The following PPARGC1B variants were observed in gnomAD, a reference collection of about 807,000 sequenced individuals.
PPARGC1B encodes the protein peroxisome proliferator-activated receptor gamma coactivator 1-beta.
In PPARGC1B, 34 loss-of-function variants were observed where a neutral mutation model predicts 101.6. The ratio of observed to expected loss-of-function variants is 0.33; its 90% CI spans 0.25 to 0.45. The LOEUF (loss-of-function observed/expected upper bound fraction) is 0.45, where lower values mean the gene tolerates loss of function less well. Among genes scored for constraint, PPARGC1B ranks in the 20% least tolerant of loss-of-function variants. The probability of loss-of-function intolerance (pLI) is 1.00; values close to 1 mark genes in which losing one functional copy is unlikely to be tolerated. For missense variants in PPARGC1B, 1,234 were observed against 1,317.6 expected (o/e 0.94, Z 0.98); for synonymous variants, 548 against 539.3 (o/e 1.02, Z -0.22).
At chr5:149,817,397 T>C (rs1758098414) in intron 1 of PPARGC1B, among the ~76,000 whole-genome samples, 1 of 152,180 alleles carries the variant, frequency 6.6e-6, no homozygotes, top group African/African-American at 2.4e-5. Flanking sequence ...GAAGGATTGC[T>C]TGAACTTAAG....
At chr5:149,768,934 C>T (rs1756021785) in intron 1 of PPARGC1B, among the ~76,000 whole-genome samples, 1 of 152,144 alleles carries the variant, frequency 6.6e-6, no homozygotes, top group Non-Finnish European at 1.5e-5. Flanking sequence ...GGATTACAGG[C>T]GTGAGCCACC....
intron 1 of PPARGC1B, among the ~76,000 whole-genome samples, chr5:149,794,083 G>C (rs905907901): frequency 1.3e-5 from 2 of 152,076 alleles, no homozygotes; most frequent in Non-Finnish European, 2.9e-5. Context: ...CTTATGGCTC[G>C]AAAGTCTAAA....
At chr5:149,770,066 G>C (rs1432360933) in intron 1 of PPARGC1B, among the ~76,000 whole-genome samples, 3 of 152,154 alleles carry the variant, frequency 2.0e-5, no homozygotes, top group Admixed American at 6.5e-5. Context: ...CATCTCCAGA[G>C]CCCCCTCACC....
intron 11 of PPARGC1B, chr5:149,846,157 C>T (rs1014901643): frequency 7.5e-5 from 45 of 597,406 alleles, no homozygotes; most frequent in South Asian, 1.1e-4. Context: ...CAGCCTCCCA[C>T]GGCCTCTAGG....
chr5:149,804,077 C>T (rs1757517734), intron 1 of PPARGC1B, among the ~76,000 whole-genome samples: 2 of 152,234 alleles, frequency 1.3e-5, no homozygotes, highest in Admixed American at 1.3e-4. Context: ...GCAGGAGTTT[C>T]CATAAGGGAA....
chr5:149,841,229 G>T (rs1167788521), intron 9 of PPARGC1B, among the ~76,000 whole-genome samples: 1 of 152,196 alleles, frequency 6.6e-6, no homozygotes, highest in East Asian at 1.9e-4. Context: ...CACCTTCAGG[G>T]AGCTGGGCCC....
intron 1 of PPARGC1B, among the ~76,000 whole-genome samples, chr5:149,818,115 A>G (rs918165257): frequency 6.6e-6 from 1 of 152,204 alleles, no homozygotes; most frequent in Non-Finnish European, 1.5e-5. Context: ...GTTGGGGGGC[A>G]TGACAGTTGG....
chr5:149,742,088 G>C (rs1305470871), intron 1 of PPARGC1B, among the ~76,000 whole-genome samples: 2 of 152,180 alleles, frequency 1.3e-5, no homozygotes, highest in African/African-American at 4.8e-5. Flanking sequence ...ATCAGGCCCT[G>C]TGCCACATCC....
chr5:149,810,786 A>G (rs1247929885), intron 1 of PPARGC1B, among the ~76,000 whole-genome samples: 2 of 151,914 alleles, frequency 1.3e-5, no homozygotes, highest in African/African-American at 4.8e-5. Context: ...GGCTGTGTGG[A>G]TCTCGGGTGA....
At chr5:149,842,140 G>C in intron 9 of PPARGC1B, 116 bp from the exon 10 acceptor site, 1 of 1,314,880 alleles carries the variant, frequency 7.6e-7, no homozygotes, top group Non-Finnish European at 1.0e-6. Context: ...AGCCGGTATT[G>C]CTCACTCAGC....
chr5:149,773,816 G>A (rs1472572549), intron 1 of PPARGC1B, among the ~76,000 whole-genome samples: 1 of 152,136 alleles, frequency 6.6e-6, no homozygotes, highest in Admixed American at 6.5e-5. Flanking sequence ...TGGGAGCTGA[G>A]TGCAAACTTC....
At chr5:149,778,144 C>T (rs927097659) in intron 1 of PPARGC1B, among the ~76,000 whole-genome samples, 2 of 102,614 alleles carry the variant, frequency 1.9e-5, no homozygotes, top group African/African-American at 7.2e-5. Context: ...CATGGAGCAG[C>T]AACACACACA....
At chr5:149,801,445 T>C (rs1366391754) in intron 1 of PPARGC1B, among the ~76,000 whole-genome samples, 1 of 152,152 alleles carries the variant, frequency 6.6e-6, no homozygotes, top group Admixed American at 6.5e-5. Context: ...GGGAACAGCA[T>C]GCGCAGAGGC....
chr5:149,788,888 G>A (rs1287889713), intron 1 of PPARGC1B, among the ~76,000 whole-genome samples: 1 of 152,150 alleles, frequency 6.6e-6, no homozygotes, highest in Non-Finnish European at 1.5e-5. Flanking sequence ...AGAACACTTG[G>A]ACACAGGGTG....
rs147980014 is a variant in PPARGC1B at position 149,834,132 on chromosome 5, T to C, written c.1705+354T>C. 4.2e-3 allele frequency among the ~76,000 whole-genome samples: 644 copies of C among 152,376 alleles called. 4 individuals are homozygous for C. The highest frequency in any genetic ancestry group is 0.015 in the African/African-American group (621 of 41,592). On this transcript the variant is annotated intron_variant, in intron 5 of 11. Coordinates refer to ENST00000309241, the MANE Select transcript of PPARGC1B (RefSeq NM_133263.4). ...ATGATGTGACAGAAGCGTAAGGCTA[T>C]AAGTTCAGCTCCACAATGCAGCTAG...
At chr5:149,811,549 G>A (rs571006599) in intron 1 of PPARGC1B, among the ~76,000 whole-genome samples, 31 of 152,276 alleles carry the variant, frequency 2.0e-4, no homozygotes, top group Non-Finnish European at 4.0e-4. Context: ...CAACTAAGTC[G>A]GTGGGAGCAG....
intron 1 of PPARGC1B, among the ~76,000 whole-genome samples, chr5:149,767,476 AGGATGTGCTC>A (rs1299246900): frequency 1.3e-5 from 2 of 152,316 alleles, no homozygotes; most frequent in East Asian, 3.9e-4. Flanking sequence ...AGATGGCATT[AGGATGTGCTC>A]ACAGACATGG....
intron 1 of PPARGC1B, among the ~76,000 whole-genome samples, chr5:149,818,442 G>A (rs771018310): frequency 6.6e-6 from 1 of 152,186 alleles, no homozygotes; most frequent in African/African-American, 2.4e-5. Context: ...TGGGCACCTT[G>A]CTGCCTGCTT....
intron 1 of PPARGC1B, among the ~76,000 whole-genome samples, chr5:149,783,554 T>C (rs769701668): frequency 1.3e-5 from 2 of 152,070 alleles, no homozygotes; most frequent in South Asian, 2.1e-4. Flanking sequence ...CCCAGGAGAT[T>C]ATAATCCAAG....
Sources: gnomAD v4.1 joint callset for allele counts (sites outside exome capture counted in the v4.1 genomes callset) on GRCh38, gnomAD v4.1.1 for gene constraint, MANE v1.5 for transcripts, NCBI Gene and HGNC (gene_info 2026-07-23, HGNC 2026-07-21) for gene names.